RPA3: variants seen among roughly 807,000 people sequenced by gnomAD.
The protein encoded by RPA3 is replication protein A3.
Under a neutral mutation model 13.7 loss-of-function variants are expected in RPA3, and 24 were observed. That is an observed-to-expected ratio of 1.75 (90% CI 1.27 to 2.46). The LOEUF (loss-of-function observed/expected upper bound fraction) is 2.46. Ranked by LOEUF, RPA3 falls within the 30% of genes most tolerant of loss-of-function variation. The pLI, the probability that RPA3 is intolerant of heterozygous loss-of-function variation, is 0.00. For missense variants in RPA3, 183 were observed against 151.0 expected, an observed-to-expected ratio of 1.21 and a Z score of -1.11; for synonymous variants, 59 against 51.2, an observed-to-expected ratio of 1.15 and a Z score of -0.65.
intron 4 of RPA3, among the ~76,000 whole-genome samples, chr7:7,659,206 T>C (rs768448607): frequency 6.6e-6 from 1 of 152,308 alleles, no homozygotes; most frequent in South Asian, 2.1e-4. Context: ...TTCTTCTTTA[T>C]TGGTCTTGCT....
At chr7:7,656,433 A>G (rs1299689500) in intron 4 of RPA3, among the ~76,000 whole-genome samples, 1 of 152,072 alleles carries the variant, frequency 6.6e-6, no homozygotes, top group Non-Finnish European at 1.5e-5. Context: ...TGTCATCTAC[A>G]TTAGGTATTT....
intron 4 of RPA3, among the ~76,000 whole-genome samples, chr7:7,647,368 T>G (rs1267821525): frequency 6.6e-6 from 1 of 152,212 alleles, no homozygotes; most frequent in Non-Finnish European, 1.5e-5. Flanking sequence ...ATGAGACTAA[T>G]TCTTTGAAAT....
chr7:7,661,121 T>C (rs1369402189), intron 4 of RPA3, among the ~76,000 whole-genome samples: 1 of 152,196 alleles, frequency 6.6e-6, no homozygotes, highest in Non-Finnish European at 1.5e-5. Context: ...TTGATACTTG[T>C]GTATGCTTCA....
intron 4 of RPA3, among the ~76,000 whole-genome samples, chr7:7,663,067 A>G (rs1395504356): frequency 6.6e-6 from 1 of 152,110 alleles, no homozygotes; most frequent in East Asian, 1.9e-4. Context: ...ATAACCCAGC[A>G]CAGGCACCCA....
At chr7:7,660,436 G>A (rs963510559) in intron 4 of RPA3, among the ~76,000 whole-genome samples, 1 of 152,172 alleles carries the variant, frequency 6.6e-6, no homozygotes, top group African/African-American at 2.4e-5. Context: ...GCAGTGGCTG[G>A]TACCTGTTGT....
chr7:7,715,957 A>G (rs1471089966), intron 1 of RPA3, among the ~76,000 whole-genome samples: 1 of 152,226 alleles, frequency 6.6e-6, no homozygotes, highest in Non-Finnish European at 1.5e-5. Flanking sequence ...GATAGTATAA[A>G]ACATAGTTTG....
intron 4 of RPA3, among the ~76,000 whole-genome samples, chr7:7,678,252 T>C (rs2115116317): frequency 1.0e-5 from 1 of 97,752 alleles, no homozygotes; most frequent in African/African-American, 3.5e-5. Context: ...GCATTTGTTA[T>C]TGCTTATCTT....
chr7:7,687,031 C>T (rs1193154881), intron 3 of RPA3, among the ~76,000 whole-genome samples, 197 bp downstream of exon 3: 1 of 152,148 alleles, frequency 6.6e-6, no homozygotes, highest in African/African-American at 2.4e-5. Context: ...GTTGCCATAC[C>T]AGTCCTTTGA....
intron 4 of RPA3, among the ~76,000 whole-genome samples, chr7:7,667,432 A>T (rs557205654): frequency 1.4e-4 from 21 of 152,316 alleles, no homozygotes; most frequent in African/African-American, 4.8e-4. Flanking sequence ...GGCTTGGGGC[A>T]GCAGGATTAT....
intron 4 of RPA3, among the ~76,000 whole-genome samples, chr7:7,676,835 A>G (rs917212366): frequency 6.6e-6 from 1 of 152,206 alleles, no homozygotes; most frequent in Non-Finnish European, 1.5e-5. Flanking sequence ...AGATCTTGAC[A>G]GATTATTAGG....
intron 4 of RPA3, among the ~76,000 whole-genome samples, chr7:7,642,060 C>T (rs1277421242): frequency 1.3e-5 from 2 of 152,112 alleles, no homozygotes; most frequent in Non-Finnish European, 2.9e-5. Flanking sequence ...AGCTTTAAGT[C>T]TTTTGTACTT....
chr7:7,657,568 G>T (rs1276001067), intron 4 of RPA3, among the ~76,000 whole-genome samples: 1 of 152,140 alleles, frequency 6.6e-6, no homozygotes, highest in Non-Finnish European at 1.5e-5. Flanking sequence ...ATTACATAGG[G>T]AGTCCCTTCC....
At chr7:7,664,245 AT>A (rs1779375925) in intron 4 of RPA3, among the ~76,000 whole-genome samples, 2 of 152,010 alleles carry the variant, frequency 1.3e-5, no homozygotes, top group Non-Finnish European at 2.9e-5. Context: ...TTTCCATATC[AT>A]TTCTGTACAT....
chr7:7,708,317 A>G (rs1780657470), intron 2 of RPA3, among the ~76,000 whole-genome samples: 1 of 152,204 alleles, frequency 6.6e-6, no homozygotes, highest in South Asian at 2.1e-4. Context: ...TTAATGTTGA[A>G]TAAGCTACTT....
At chr7:7,671,200 C>G (rs917381657) in intron 4 of RPA3, among the ~76,000 whole-genome samples, 1 of 152,212 alleles carries the variant, frequency 6.6e-6, no homozygotes, top group African/African-American at 2.4e-5. Context: ...TAACTTTAGT[C>G]AGCTTCGTGT....
chr7:7,670,700 T>C (rs1779584882), intron 4 of RPA3, among the ~76,000 whole-genome samples: 1 of 152,188 alleles, frequency 6.6e-6, no homozygotes. Context: ...GTCTGGAGAC[T>C]TCATGAACTA....
intron 2 of RPA3, among the ~76,000 whole-genome samples, chr7:7,709,781 G>GT (rs563873791): frequency 4.8e-4 from 72 of 148,518 alleles, no homozygotes; most frequent in South Asian, 2.6e-3. Context: ...ACCTTTTAAA[G>GT]TTTTTTTTTT....
intron 4 of RPA3, among the ~76,000 whole-genome samples, chr7:7,646,437 C>T (rs1340334244): frequency 1.3e-5 from 2 of 149,876 alleles, no homozygotes; most frequent in Non-Finnish European, 3.0e-5. Flanking sequence ...GAATAAGTCT[C>T]ACGAGATCTG....
At chr7:7,646,178 A>G (rs1413170591) in intron 4 of RPA3, among the ~76,000 whole-genome samples, 1 of 152,206 alleles carries the variant, frequency 6.6e-6, no homozygotes, top group Non-Finnish European at 1.5e-5. Flanking sequence ...TCCCACACCC[A>G]GTGCATCCTG....
Sources: allele counts gnomAD v4.1 joint callset (sites outside exome capture counted in the v4.1 genomes callset), GRCh38; gene constraint gnomAD v4.1.1; transcripts MANE v1.5; gene names NCBI Gene and HGNC (gene_info 2026-07-23, HGNC 2026-07-21).